Variants in OR1J2 observed in about 807,000 individuals in gnomAD.
OR1J2 encodes the protein olfactory receptor 1J2.
For synonymous variants in OR1J2, 142 were observed against 99.7 expected (o/e 1.42, Z -2.52); for missense variants, 304 against 246.1 (o/e 1.24, Z -1.57).
chr9:122,490,149 G>T, the OR1J2 span, among the ~76,000 whole-genome samples: 14 of 152,280 alleles, frequency 9.2e-5, no homozygotes, highest in South Asian at 2.5e-3. Flanking sequence ...AAGCAGGATT[G>T]TACTGGTGGC....
At chr9:122,529,103 A>G in the OR1J2 span, among the ~76,000 whole-genome samples, 1 of 152,202 alleles carries the variant, frequency 6.6e-6, no homozygotes, top group South Asian at 2.1e-4. Flanking sequence ...CCTGAACCCT[A>G]CACTGACTGA....
At chr9:122,544,352 T>G in the OR1J2 span, among the ~76,000 whole-genome samples, 1 of 151,884 alleles carries the variant, frequency 6.6e-6, no homozygotes, top group African/African-American at 2.4e-5. Flanking sequence ...AAAAGCTCTA[T>G]TTTTCAAGAA....
At chr9:122,458,142 T>C in the OR1J2 span, among the ~76,000 whole-genome samples, 1 of 152,208 alleles carries the variant, frequency 6.6e-6, no homozygotes, top group Non-Finnish European at 1.5e-5. Context: ...TTGTCTTTAT[T>C]TGGAAGGATA....
chr9:122,495,967 G>A, the OR1J2 span, among the ~76,000 whole-genome samples: 3 of 152,130 alleles, frequency 2.0e-5, no homozygotes, highest in African/African-American at 7.2e-5. Flanking sequence ...TCTAGGTTTA[G>A]CCATGCAGTG....
chr9:122,526,539 G>A, the OR1J2 span: 28 of 1,609,362 alleles, frequency 1.7e-5, no homozygotes, highest in Non-Finnish European at 2.3e-5. Context: ...ACTGAAGAGG[G>A]TCCCATAGAA....
At chr9:122,550,482 G>T in the OR1J2 span, among the ~76,000 whole-genome samples, 1 of 151,038 alleles carries the variant, frequency 6.6e-6, no homozygotes, top group African/African-American at 2.4e-5. Flanking sequence ...GGTGACAATA[G>T]ATGCAAAAAT....
the OR1J2 span, among the ~76,000 whole-genome samples, chr9:122,566,366 A>C: frequency 6.6e-6 from 1 of 152,204 alleles, no homozygotes; most frequent in Non-Finnish European, 1.5e-5. Flanking sequence ...AGATGAGGAA[A>C]TATTCTCCCT....
At chr9:122,541,967 A>C in the OR1J2 span, among the ~76,000 whole-genome samples, 1 of 152,218 alleles carries the variant, frequency 6.6e-6, no homozygotes, top group Non-Finnish European at 1.5e-5. Flanking sequence ...ATAAAGCCAG[A>C]ACACTCCCTC....
At chr9:122,505,374 C>G in the OR1J2 span, among the ~76,000 whole-genome samples, 2 of 152,124 alleles carry the variant, frequency 1.3e-5, no homozygotes, top group African/African-American at 2.4e-5. Flanking sequence ...TCTCTTCTTA[C>G]AAAGCTACCA....
At chr9:122,577,932 G>T in the OR1J2 span, among the ~76,000 whole-genome samples, 1 of 152,028 alleles carries the variant, frequency 6.6e-6, no homozygotes, top group Non-Finnish European at 1.5e-5. Context: ...TATTTATATT[G>T]TCTATGACCT....
chr9:122,521,990 A>G, the OR1J2 span, among the ~76,000 whole-genome samples: 1 of 152,204 alleles, frequency 6.6e-6, no homozygotes, highest in African/African-American at 2.4e-5. Flanking sequence ...CTCATCTCCC[A>G]GATCAGTTTG....
downstream of OR1J2, among the ~76,000 whole-genome samples, chr9:122,514,744 AACCTAAC>A (rs1349502321): frequency 1.3e-5 from 2 of 152,212 alleles, no homozygotes; most frequent in African/African-American, 4.8e-5. Flanking sequence ...TAGACATCTC[AACCTAAC>A]ACCTAACCAG....
At chr9:122,541,085 A>G in the OR1J2 span, among the ~76,000 whole-genome samples, 3 of 152,128 alleles carry the variant, frequency 2.0e-5, no homozygotes, top group African/African-American at 7.2e-5. Context: ...CCCAGCTCTT[A>G]AAAGTCCTCC....
At chr9:122,536,598 C>G in the OR1J2 span, among the ~76,000 whole-genome samples, 1 of 152,200 alleles carries the variant, frequency 6.6e-6, no homozygotes, top group South Asian at 2.1e-4. Flanking sequence ...CTTTTCTTTA[C>G]ATTTGCATTC....
At chr9:122,456,182 G>A in the OR1J2 span, among the ~76,000 whole-genome samples, 2 of 152,194 alleles carry the variant, frequency 1.3e-5, no homozygotes, top group Non-Finnish European at 2.9e-5. Context: ...GGGAGGAAGA[G>A]TCTGGGGATG....
downstream of OR1J2, among the ~76,000 whole-genome samples, chr9:122,512,050 A>G (rs1040284309): frequency 1.3e-5 from 2 of 152,214 alleles, no homozygotes; most frequent in African/African-American, 4.8e-5. Flanking sequence ...GGAGACATAT[A>G]TATTTTTGGC....
the OR1J2 span, among the ~76,000 whole-genome samples, chr9:122,570,505 C>G: frequency 6.6e-6 from 1 of 152,142 alleles, no homozygotes; most frequent in East Asian, 1.9e-4. Context: ...CTTTAAATCT[C>G]AGGTTTTTCA....
chr9:122,491,330 T>C, the OR1J2 span, among the ~76,000 whole-genome samples: 5 of 151,792 alleles, frequency 3.3e-5, no homozygotes, highest in Admixed American at 6.6e-5. Flanking sequence ...TGGATAGAGA[T>C]AGAAATTCAT....
the OR1J2 span, among the ~76,000 whole-genome samples, chr9:122,548,977 G>C: frequency 2.0e-5 from 3 of 151,902 alleles, no homozygotes; most frequent in African/African-American, 7.3e-5. Flanking sequence ...GTTTAATTTA[G>C]TTCCATTTGT....
Sources: allele counts gnomAD v4.1 joint callset (sites outside exome capture counted in the v4.1 genomes callset), GRCh38; gene constraint gnomAD v4.1.1; transcripts MANE v1.5; gene names NCBI Gene and HGNC (gene_info 2026-07-23, HGNC 2026-07-21).